Variants in COL5A2 observed in about 807,000 individuals in gnomAD.
COL5A2 encodes the protein collagen type V alpha 2 chain.
COL5A2 carries 23 observed loss-of-function variants against 208.2 expected under a neutral mutation model. The observed-to-expected ratio is 0.11, with a 90% confidence interval of 0.08 to 0.16. The LOEUF is 0.16. Ranked by LOEUF, COL5A2 falls within the 10% of genes least tolerant of loss-of-function variation. The pLI is 1.00. For missense variants in COL5A2, 1,590 were observed against 1,956.4 expected, an observed-to-expected ratio of 0.81 and a Z score of 3.53; for synonymous variants, 625 against 628.5, an observed-to-expected ratio of 0.99 and a Z score of 0.08.
chr2:189,407,240 A>T, the COL5A2 span, among the ~76,000 whole-genome samples: 1 of 152,152 alleles, frequency 6.6e-6, no homozygotes, highest in Non-Finnish European at 1.5e-5. Context: ...CTATTTAGTT[A>T]AAAAGGTAAA....
intron 1 of COL5A2, among the ~76,000 whole-genome samples, chr2:189,169,450 A>C (rs1166789159): frequency 1.3e-5 from 2 of 152,228 alleles, no homozygotes; most frequent in African/African-American, 4.8e-5. Flanking sequence ...GTAAACCTAC[A>C]AAAGGAAATA....
At chr2:189,152,176 C>T (rs1035035874) in intron 1 of COL5A2, among the ~76,000 whole-genome samples, 31 of 152,154 alleles carry the variant, frequency 2.0e-4, no homozygotes, top group Admixed American at 1.7e-3. Context: ...TATTCTCATC[C>T]TTTACATTTT....
At chr2:189,058,221 C>T (rs1685943212) in intron 33 of COL5A2, among the ~76,000 whole-genome samples, 1 of 152,110 alleles carries the variant, frequency 6.6e-6, no homozygotes, top group African/African-American at 2.4e-5. Flanking sequence ...ACTACAATCC[C>T]CATCAAAGAA....
chr2:189,249,853 C>G, the COL5A2 span, among the ~76,000 whole-genome samples: 1 of 152,158 alleles, frequency 6.6e-6, no homozygotes, highest in Non-Finnish European at 1.5e-5. Context: ...CCCGCCACCA[C>G]ACCCAGCTAA....
At chr2:189,428,765 C>T in the COL5A2 span, among the ~76,000 whole-genome samples, 1 of 152,230 alleles carries the variant, frequency 6.6e-6, no homozygotes, top group Non-Finnish European at 1.5e-5. Context: ...AATTATGCTT[C>T]CTGTACAGCC....
the COL5A2 span, among the ~76,000 whole-genome samples, chr2:189,418,134 G>A: frequency 0.57 from 85,840 of 151,782 alleles, 26,069 homozygotes; most frequent in East Asian, 0.69. Context: ...AATGAACAGC[G>A]AAAACACATG....
chr2:189,325,639 T>G, the COL5A2 span, among the ~76,000 whole-genome samples: 1 of 152,294 alleles, frequency 6.6e-6, no homozygotes, highest in East Asian at 1.9e-4. Context: ...TTTGTATATA[T>G]TTGAGAGTAT....
chr2:189,064,067 T>TTTTATTTCCAG, intron 25 of COL5A2, 34 bp from the exon 26 acceptor site: 1 of 1,570,588 alleles, frequency 6.4e-7, no homozygotes, highest in Non-Finnish European at 8.8e-7. Flanking sequence ...AGTTTGTTGC[T>TTTTATTTCCAG]GATATGCAGT....
chr2:189,318,223 G>T, the COL5A2 span, among the ~76,000 whole-genome samples: 1 of 152,150 alleles, frequency 6.6e-6, no homozygotes, highest in South Asian at 2.1e-4. Flanking sequence ...CAATATCTGA[G>T]AACAGAGTTG....
intron 20 of COL5A2, 22 bp from the exon 21 acceptor site, chr2:189,068,135 G>T: frequency 6.2e-7 from 1 of 1,606,074 alleles, no homozygotes; most frequent in Non-Finnish European, 8.5e-7. Context: ...CAAGAGTGAT[G>T]TGGTAAGTAG....
chr2:189,376,899 AG>A, the COL5A2 span, among the ~76,000 whole-genome samples: 1 of 152,218 alleles, frequency 6.6e-6, no homozygotes, highest in African/African-American at 2.4e-5. Flanking sequence ...GAGACTAGGC[AG>A]GAAAAAAATG....
chr2:189,222,775 T>C (rs1223935526), intron 1 of COL5A2, among the ~76,000 whole-genome samples: 2 of 152,128 alleles, frequency 1.3e-5, no homozygotes, highest in South Asian at 2.1e-4. Context: ...GGAAAGGAAA[T>C]CACTAATGCC....
chr2:189,275,247 C>G, the COL5A2 span, among the ~76,000 whole-genome samples: 3 of 152,046 alleles, frequency 2.0e-5, no homozygotes, highest in African/African-American at 7.2e-5. Context: ...AATTCTTAGA[C>G]TACCTAATTT....
chr2:189,205,736 C>T (rs1386239459), intron 1 of COL5A2, among the ~76,000 whole-genome samples: 2 of 152,050 alleles, frequency 1.3e-5, no homozygotes, highest in African/African-American at 4.8e-5. Flanking sequence ...ATTTTAATTT[C>T]TTGTGATTCC....
chr2:189,052,054 T>C lies in COL5A2; in HGVS notation c.2769+118A>G. ...CAGCATGCATTATTGGAATAAGAGT[T>C]GTTAAATAAGAAAACATACCATTAA... is the stretch of plus-strand genomic sequence containing the variant. On this transcript the variant is annotated intron_variant, in intron 41 of 53. Coordinates refer to ENST00000374866, the MANE Select transcript of COL5A2 (RefSeq NM_000393.5). The C allele has an allele frequency of 5.1e-6, 4 of 791,520 alleles. No homozygotes were observed. In the East Asian group the frequency reaches 1.1e-4, roughly 23 times the overall value. The allele number at this position is 791,520 out of a possible 1,614,324, so 49.0% of individuals were successfully genotyped here.
intron 41 of COL5A2, 78 bp from the exon 42 acceptor site, chr2:189,051,559 C>A: frequency 7.5e-7 from 1 of 1,339,112 alleles, no homozygotes; most frequent in Non-Finnish European, 1.0e-6. Flanking sequence ...CGCTGTCTGC[C>A]TCAGATGCAG....
the COL5A2 span, among the ~76,000 whole-genome samples, chr2:189,374,881 A>G: frequency 1.1e-4 from 17 of 152,212 alleles, no homozygotes; most frequent in Non-Finnish European, 2.4e-4. Context: ...AATACTTTCT[A>G]AACAAAGAAG....
At chr2:189,076,234 G>A (rs1319043589) in intron 16 of COL5A2, among the ~76,000 whole-genome samples, 1 of 152,034 alleles carries the variant, frequency 6.6e-6, no homozygotes, top group Non-Finnish European at 1.5e-5. Context: ...CTGTTTCCTA[G>A]GAAACCTGAC....
chr2:189,282,285 T>C, the COL5A2 span, among the ~76,000 whole-genome samples: 1 of 152,136 alleles, frequency 6.6e-6, no homozygotes, highest in Admixed American at 6.6e-5. Context: ...ATAATTTCTA[T>C]GCCTCTATGC....
Sources: allele counts gnomAD v4.1 joint callset (sites outside exome capture counted in the v4.1 genomes callset), GRCh38; gene constraint gnomAD v4.1.1; transcripts MANE v1.5; gene names NCBI Gene and HGNC (gene_info 2026-07-23, HGNC 2026-07-21).